Variants in SLC24A2 observed in about 807,000 individuals in gnomAD.
The protein encoded by SLC24A2 is solute carrier family 24 member 2, also known as sodium/potassium/calcium exchanger 2.
SLC24A2 carries 36 observed loss-of-function variants against 62.0 expected under a neutral mutation model. The ratio of observed to expected loss-of-function variants is 0.58; its 90% CI spans 0.44 to 0.77. The LOEUF (loss-of-function observed/expected upper bound fraction) is 0.77, where lower values mean the gene tolerates loss of function less well. Ranked by LOEUF, SLC24A2 falls within the 30% of genes least tolerant of loss-of-function variation. The pLI, the probability that SLC24A2 is intolerant of heterozygous loss-of-function variation, is 0.00. For synonymous variants in SLC24A2, 358 were observed against 294.0 expected (o/e 1.22, Z -2.23); for missense variants, 846 against 817.9 (o/e 1.03, Z -0.42).
the SLC24A2 span, among the ~76,000 whole-genome samples, chr9:20,188,609 G>T: frequency 6.6e-6 from 1 of 152,100 alleles, no homozygotes; most frequent in Non-Finnish European, 1.5e-5. Context: ...GATCTTGGTG[G>T]GCTTGATGTA....
At chr9:19,560,343 ACT>A (rs1032378414) in intron 7 of SLC24A2, among the ~76,000 whole-genome samples, 2 of 127,058 alleles carry the variant, frequency 1.6e-5, no homozygotes, top group Non-Finnish European at 3.2e-5. Flanking sequence ...TACTCTCTAC[ACT>A]CCTCTGTATT....
the SLC24A2 span, among the ~76,000 whole-genome samples, chr9:20,051,004 G>T: frequency 6.6e-6 from 1 of 151,876 alleles, no homozygotes. Flanking sequence ...ACATTAGAAG[G>T]TACATAGTGA....
At chr9:20,108,080 C>CA in the SLC24A2 span, among the ~76,000 whole-genome samples, 198 of 152,176 alleles carry the variant, frequency 1.3e-3, 1 homozygote, top group Non-Finnish European at 1.7e-3. Flanking sequence ...TTTATACAGC[C>CA]AAAAAACACA....
At chr9:19,846,325 A>G in the SLC24A2 span, among the ~76,000 whole-genome samples, 1 of 152,136 alleles carries the variant, frequency 6.6e-6, no homozygotes, top group Non-Finnish European at 1.5e-5. Flanking sequence ...GTTAAATATA[A>G]TCCTTTATTA....
chr9:19,535,222 AT>A (rs1210730265), intron 8 of SLC24A2, among the ~76,000 whole-genome samples: 1 of 151,434 alleles, frequency 6.6e-6, no homozygotes, highest in Non-Finnish European at 1.5e-5. Context: ...TTTCTTGTAA[AT>A]TTAAGTTCTT....
chr9:20,113,668 A>G, the SLC24A2 span, among the ~76,000 whole-genome samples: 1 of 152,144 alleles, frequency 6.6e-6, no homozygotes, highest in Non-Finnish European at 1.5e-5. Flanking sequence ...TTCTCTGAAC[A>G]CGTTGTGAAA....
the SLC24A2 span, among the ~76,000 whole-genome samples, chr9:19,979,530 C>A: frequency 6.6e-6 from 1 of 152,256 alleles, no homozygotes; most frequent in African/African-American, 2.4e-5. Flanking sequence ...GACATACACG[C>A]TTTTTAGGAG....
chr9:19,599,470 G>C lies in SLC24A2; in HGVS notation c.1079-2191C>G, dbSNP rs1349170678. Among the ~76,000 whole-genome samples the C allele has an allele frequency of 2.0e-5, 3 of 152,174 alleles. No homozygotes were observed. The highest frequency in any genetic ancestry group is 4.4e-5 in the Non-Finnish European group (3 of 68,030). On this transcript the variant is annotated intron_variant, in intron 4 of 10. Transcript: ENST00000341998. This position sits in a 1 kb window ranked among gnomAD's most constrained non-coding sequence, Gnocchi z 4.5. Reference sequence around the variant, plus strand: ...ACTGAGGAAGCAGTGGAAGGGAATGGTATCTGCCCAAACAAAGAGAACCAT... The same window carrying C: ...ACTGAGGAAGCAGTGGAAGGGAATGCTATCTGCCCAAACAAAGAGAACCAT...
chr9:19,547,340 G>C (rs554441420), intron 8 of SLC24A2, among the ~76,000 whole-genome samples: 1 of 152,216 alleles, frequency 6.6e-6, no homozygotes, highest in Non-Finnish European at 1.5e-5. Context: ...GGCTCTCAGA[G>C]GGGGACTGCA....
intron 7 of SLC24A2, among the ~76,000 whole-genome samples, chr9:19,571,191 T>A (rs1284286912): frequency 6.6e-6 from 1 of 152,126 alleles, no homozygotes; most frequent in Non-Finnish European, 1.5e-5. Flanking sequence ...CTTATCCATG[T>A]GGACATAAGC....
chr9:19,655,194 C>A (rs542465833), intron 2 of SLC24A2, among the ~76,000 whole-genome samples: 1 of 152,312 alleles, frequency 6.6e-6, no homozygotes, highest in South Asian at 2.1e-4. Flanking sequence ...GGGGAAAATT[C>A]TTCACAAAGC....
the SLC24A2 span, among the ~76,000 whole-genome samples, chr9:20,097,027 C>A: frequency 6.6e-6 from 1 of 152,202 alleles, no homozygotes; most frequent in Admixed American, 6.5e-5. Flanking sequence ...TCCCTACAAC[C>A]TGATTTTCAT....
intron 2 of SLC24A2, among the ~76,000 whole-genome samples, chr9:19,662,199 T>C (rs1439550358): frequency 2.0e-5 from 3 of 152,204 alleles, no homozygotes; most frequent in African/African-American, 7.2e-5. Context: ...TTTAACATAA[T>C]CGAATATAGC....
At chr9:19,868,424 A>G in the SLC24A2 span, among the ~76,000 whole-genome samples, 26 of 152,344 alleles carry the variant, frequency 1.7e-4, no homozygotes, top group African/African-American at 4.3e-4. Context: ...CTGGAAAATC[A>G]TCTTTGTGTG....
the SLC24A2 span, among the ~76,000 whole-genome samples, chr9:20,049,052 T>C: frequency 6.6e-6 from 1 of 152,168 alleles, no homozygotes; most frequent in Non-Finnish European, 1.5e-5. Flanking sequence ...TTATCAGCAA[T>C]CCAAAGTGTT....
At chr9:19,584,402 A>G (rs796284309) in intron 5 of SLC24A2, among the ~76,000 whole-genome samples, 42 of 152,260 alleles carry the variant, frequency 2.8e-4, no homozygotes, top group African/African-American at 1.0e-3. Context: ...TGTAGAGTCC[A>G]TAGCCTGAAG....
the SLC24A2 span, among the ~76,000 whole-genome samples, chr9:20,279,260 G>T: frequency 6.6e-6 from 1 of 152,246 alleles, no homozygotes; most frequent in Non-Finnish European, 1.5e-5. Flanking sequence ...GCCAGACATG[G>T]TGGCTCATGC....
chr9:20,142,814 T>G, the SLC24A2 span, among the ~76,000 whole-genome samples: 6 of 152,150 alleles, frequency 3.9e-5, no homozygotes, highest in Admixed American at 3.9e-4. Context: ...CAGGCTGGTC[T>G]CGAACTCCTG....
the SLC24A2 span, among the ~76,000 whole-genome samples, chr9:20,244,162 G>A: frequency 1.3e-5 from 2 of 151,990 alleles, no homozygotes; most frequent in African/African-American, 4.8e-5. Context: ...GACCATCCAA[G>A]GTAGTTTTGA....
Sources: allele counts gnomAD v4.1 joint callset (sites outside exome capture counted in the v4.1 genomes callset), GRCh38; gene constraint gnomAD v4.1.1; non-coding constraint Gnocchi (gnomAD v3.1); transcripts MANE v1.5; gene names NCBI Gene and HGNC (gene_info 2026-07-23, HGNC 2026-07-21).